Variants in HK2 observed in about 807,000 individuals in gnomAD.
HK2 encodes the protein hexokinase 2, also known as hexokinase-2.
A neutral mutation model predicts 92.9 loss-of-function variants in HK2; 42 were observed. That is an observed-to-expected ratio of 0.45 (90% CI 0.35 to 0.58). The LOEUF is 0.58. Ranked by LOEUF, HK2 falls within the 20% of genes least tolerant of loss-of-function variation. The pLI, the probability that HK2 is intolerant of heterozygous loss-of-function variation, is 0.00. For synonymous variants in HK2, 422 were observed against 468.0 expected (o/e 0.90, Z 1.27); for missense variants, 978 against 1,245.1 (o/e 0.79, Z 3.23).
intron 8 of HK2, among the ~76,000 whole-genome samples, chr2:74,878,366 A>G (rs1224963302): frequency 6.6e-6 from 1 of 151,982 alleles, no homozygotes; most frequent in Non-Finnish European, 1.5e-5. Context: ...TTGTTTTTAC[A>G]TAGCACATGC....
Position 74,834,661 on chromosome 2 carries a change from G to A in HK2, c.63+18G>A. 2 of 1,613,800 alleles carry A rather than the reference G, an allele frequency of 1.2e-6. No homozygotes were observed. Among genetic ancestry groups the A allele is most frequent in the African/African-American group, 1.3e-5 (1 of 75,054 alleles). The stretch of plus-strand genomic sequence containing the variant: ...TGCAGAAGGTAAGTCAGCGCGGGCG[G>A]GGCGGCAGGCTGGGCTCTGGCAAAG... On this transcript the variant is annotated intron_variant, in intron 1 of 17. Coordinates refer to ENST00000290573, the MANE Select transcript of HK2 (RefSeq NM_000189.5). The surrounding 1 kb of genome is among the most constrained non-coding windows in gnomAD (Gnocchi z 4.2).
intron 2 of HK2, among the ~76,000 whole-genome samples, chr2:74,856,118 G>C (rs1159897629): frequency 1.3e-5 from 2 of 152,104 alleles, no homozygotes; most frequent in Admixed American, 6.5e-5. Flanking sequence ...GAAGCTGGCA[G>C]GTCGCTGGTG....
intron 7 of HK2, 77 bp from the exon 8 acceptor site, chr2:74,877,089 G>A (rs1324398961): frequency 9.5e-6 from 15 of 1,577,998 alleles, no homozygotes; most frequent in African/African-American, 1.3e-5. Context: ...GCACGTGTGC[G>A]CATCTTGCTT....
At chr2:74,874,201 A>G in intron 6 of HK2, 65 bp from the exon 7 acceptor site, 1 of 1,593,504 alleles carries the variant, frequency 6.3e-7, no homozygotes, top group Non-Finnish European at 8.6e-7. Flanking sequence ...ACAGTAGTAT[A>G]AGAGGGAAGA....
intron 1 of HK2, among the ~76,000 whole-genome samples, chr2:74,846,322 T>TC (rs1270233618): frequency 2.0e-5 from 3 of 151,294 alleles, no homozygotes; most frequent in African/African-American, 7.3e-5. Flanking sequence ...ACCTGCCTTT[T>TC]TTTTCCAGCG....
Position 74,880,318 on chromosome 2 carries a change from T to C in HK2, c.1319T>C (p.Val440Ala). Residue 440 changes from valine (V) to alanine (A), a missense_variant, in exon 10 of 18, where the codon GTC becomes GCC. Physicochemically the swap from Val to Ala is moderately conservative, Grantham distance 64. Around this residue, in one of 3 missense-constraint regions of HK2, gnomAD observed 742 missense variants for 922.5 expected, o/e 0.80. Transcript: ENST00000290573. ...CGGCGGCTGGTGCCCGGCTGCGATGTCCGCTTCCTCCGCTCCGAGGATGGC... is the reference window on the plus strand; with the variant it reads ...CGGCGGCTGGTGCCCGGCTGCGATGCCCGCTTCCTCCGCTCCGAGGATGGC... The part of the protein sequence containing the change: ...TVRRLVPGCD[V>A]RFLRSEDGSG... The C allele has an allele frequency of 6.2e-7, 1 of 1,614,182 alleles. No individual in the cohort carries two copies. Among genetic ancestry groups the C allele is most frequent in the Non-Finnish European group, 8.5e-7 (1 of 1,180,042 alleles).
rs1026234194 is a variant in HK2, at chr2:74,862,142, A to G, written c.227-5494A>G. On this transcript the variant is annotated intron_variant, in intron 2 of 17. Coordinates refer to ENST00000290573, the MANE Select transcript of HK2 (RefSeq NM_000189.5). ...ATCTCATCATTTCTTACAGTCATCC[A>G]GTGGTAGGTACGCTGAACTTCACTT... Among the ~76,000 whole-genome samples, 59 of 152,256 alleles carry G rather than the reference A, an allele frequency of 3.9e-4. 1 individual carries two copies. The highest frequency in any genetic ancestry group is 5.6e-4 in the Non-Finnish European group (38 of 68,042).
At chr2:74,853,258 T>A (rs971331276) in intron 1 of HK2, among the ~76,000 whole-genome samples, 1 of 152,074 alleles carries the variant, frequency 6.6e-6, no homozygotes, top group African/African-American at 2.4e-5. Context: ...GGCTCGCTCC[T>A]TTAATCCCAG....
chr2:74,892,369 G>T lies in HK2; in HGVS notation c.*1428G>T, dbSNP rs1689701387. On this transcript the variant is annotated 3_prime_UTR_variant, in exon 18 of 18. Transcript: ENST00000290573. Reference sequence around the variant, plus strand: ...TCCCAGCAAGTTTCACCTTGGGTTTGTATTTTAAATGTTTTACAAGAATTG... The same window carrying T: ...TCCCAGCAAGTTTCACCTTGGGTTTTTATTTTAAATGTTTTACAAGAATTG... 6.6e-6 allele frequency: 1 copy of T among 152,182 alleles called. No individual in the cohort carries two copies. The highest frequency in any genetic ancestry group is 6.5e-5 in the Admixed American group (1 of 15,276). The allele number at this position is 152,182 out of a possible 1,614,324, so 9.4% of individuals were successfully genotyped here.
rs944546789 is a variant in HK2, at chr2:74,873,961, A to G, written c.691+18A>G. On this transcript the variant is annotated intron_variant, in intron 6 of 17. Coordinates refer to ENST00000290573, the MANE Select transcript of HK2 (RefSeq NM_000189.5). ...CATTGTGGGTGAGTGAACACCGTGC[A>G]TGAAGGGCCCGTGCTGGCCAAGGGA... The G allele has an allele frequency of 5.2e-5, 82 of 1,582,318 alleles. No homozygotes were observed. Among genetic ancestry groups the G allele is most frequent in the Non-Finnish European group, 6.7e-5 (77 of 1,151,228 alleles).
chr2:74,863,664 A>G (rs1217647596), intron 2 of HK2, among the ~76,000 whole-genome samples: 2 of 152,202 alleles, frequency 1.3e-5, no homozygotes, highest in Admixed American at 1.3e-4. Context: ...TATGCCATAC[A>G]TTCTCAGAGC....
rs766492679 is a variant in HK2 at position 74,892,146 on chromosome 2, C to T, written c.*1205C>T. The T allele has an allele frequency of 6.6e-6, 1 of 152,628 alleles. No individual in the cohort carries two copies. Among genetic ancestry groups the T allele is most frequent in the Non-Finnish European group, 1.5e-5 (1 of 68,032 alleles). The allele number at this position is 152,628 out of a possible 1,614,324, so 9.5% of individuals were successfully genotyped here. A position where few individuals can be genotyped will look rare whatever the true frequency, so the allele number is the denominator to read the frequency against. ...GTTAAGCAAAGGAAACCAAAGGAAT[C>T]GTTTCAAATGGACTCATGGCTTAGA... On this transcript the variant is annotated 3_prime_UTR_variant, in exon 18 of 18. Transcript: ENST00000290573.
At chr2:74,873,193 T>C in intron 4 of HK2, 83 bp from the exon 5 acceptor site, 1 of 999,444 alleles carries the variant, frequency 1.0e-6, no homozygotes, top group Non-Finnish European at 1.6e-6. Flanking sequence ...CAGAGGTCTC[T>C]GCTAATGACG....
chr2:74,878,546 T>G, intron 8 of HK2, 142 bp from the exon 9 acceptor site: 1 of 733,492 alleles, frequency 1.4e-6, no homozygotes. Context: ...CCTGCACAGG[T>G]GGACTAAGCA....
At chr2:74,872,842 T>C (rs974070874) in intron 4 of HK2, among the ~76,000 whole-genome samples, 3 of 152,178 alleles carry the variant, frequency 2.0e-5, no homozygotes, top group East Asian at 1.9e-4. Context: ...ATAAACATCA[T>C]AGAGTGCACT....
At position 74,834,712 on chromosome 2, in the gene HK2, C is replaced by G. The variant is rs1688107294; in HGVS notation, c.63+69C>G. 6.5e-7 allele frequency: 1 copy of G among 1,534,672 alleles called. No homozygotes were observed. Among genetic ancestry groups the G allele is most frequent in the Non-Finnish European group, 9.0e-7 (1 of 1,108,344 alleles). On this transcript the variant is annotated intron_variant, in intron 1 of 17. Transcript: ENST00000290573. The surrounding 1 kb of genome is among the most constrained non-coding windows in gnomAD (Gnocchi z 4.2). Reference sequence around the variant, plus strand: ...TGGTCTGGCCTCCATCAGTCTCTTCCTCGACCCTGCGGGGACCCGCTTCCT... The same window carrying G: ...TGGTCTGGCCTCCATCAGTCTCTTCGTCGACCCTGCGGGGACCCGCTTCCT...
At position 74,874,228 on chromosome 2, in the gene HK2, G is replaced by A. The variant is rs199985158; in HGVS notation, c.692-38G>A. 151 of 1,612,800 alleles carry A rather than the reference G, an allele frequency of 9.4e-5. No homozygotes were observed. In the African/African-American group the frequency reaches 1.8e-3, roughly 19 times the overall value. ...GAGGGAAGAGGGGTGGGAAGGGGCC[G>A]GAGCAGGCGTGTGCATAGCCGTCCC... On this transcript the variant is annotated intron_variant, in intron 6 of 17. Transcript: ENST00000290573.
intron 1 of HK2, among the ~76,000 whole-genome samples, chr2:74,843,116 C>T (rs981958900): frequency 1.3e-5 from 2 of 152,162 alleles, no homozygotes; most frequent in East Asian, 3.9e-4. Context: ...GTCACAGGAC[C>T]CGCCATGATA....
intron 1 of HK2, among the ~76,000 whole-genome samples, chr2:74,844,598 G>A (rs115164486): frequency 2.0e-5 from 3 of 152,334 alleles, no homozygotes; most frequent in Non-Finnish European, 2.9e-5. Context: ...TCCAGCAAGT[G>A]GACCGCTGGC....
Sources: allele counts gnomAD v4.1 joint callset (sites outside exome capture counted in the v4.1 genomes callset), GRCh38; gene constraint gnomAD v4.1.1; regional missense constraint gnomAD v4.1.1; non-coding constraint Gnocchi (gnomAD v3.1); transcripts MANE v1.5; gene names NCBI Gene and HGNC (gene_info 2026-07-23, HGNC 2026-07-21).